AP4B1: variants seen among roughly 807,000 people sequenced by gnomAD.
The protein encoded by AP4B1 is adaptor related protein complex 4 subunit beta 1, also known as AP-4 complex subunit beta-1.
In AP4B1, 49 loss-of-function variants were observed where a neutral mutation model predicts 76.5. That is an observed-to-expected ratio of 0.64 (90% confidence interval 0.51 to 0.81). The LOEUF (loss-of-function observed/expected upper bound fraction) is 0.81, where lower values mean the gene tolerates loss of function less well. AP4B1 is among the 40% of genes least tolerant of loss of function. AP4B1 has a pLI of 0.00. For missense variants in AP4B1, 911 were observed against 904.9 expected (o/e 1.01, Z -0.09); for synonymous variants, 330 against 333.3 (o/e 0.99, Z 0.11).
At chr1:113,903,982 T>C (rs1668637484) in intron 1 of AP4B1, among the ~76,000 whole-genome samples, 1 of 152,190 alleles carries the variant, frequency 6.6e-6, no homozygotes, top group Non-Finnish European at 1.5e-5. Flanking sequence ...GAGTTATGTG[T>C]TCAGGTATGT....
chr1:113,895,826 T>C lies in AP4B1; in HGVS notation c.1723A>G (p.Ile575Val), dbSNP rs114734921. 5.6e-3 allele frequency: 9,077 copies of C among 1,614,224 alleles called. 50 individuals are homozygous for C. Among genetic ancestry groups the C allele is most frequent in the Non-Finnish European group, 6.9e-3 (8,140 of 1,180,032 alleles). ...PVYGKAHWAT[I>V]SKCQGAERCD... is the part of the protein sequence containing the mutation. ...CGCTCTGCCCCCTGGCATTTAGAGA[T>C]AGTTGCCCAGTGGGCTTTGCCATAC... Residue 575 changes from isoleucine (I) to valine (V), a missense_variant, in exon 9 of 10, where the codon ATC becomes GTC. Coordinates refer to ENST00000369569, the MANE Select transcript of AP4B1 (RefSeq NM_001253852.3).
chr1:113,904,530 G>T, intron 1 of AP4B1, 75 bp downstream of exon 1: 1 of 1,394,878 alleles, frequency 7.2e-7, no homozygotes. Flanking sequence ...CACCCTTTCA[G>T]AGAGACTGGG....
intron 6 of AP4B1, among the ~76,000 whole-genome samples, chr1:113,898,516 A>G (rs533648913): frequency 6.6e-6 from 1 of 152,340 alleles, no homozygotes; most frequent in African/African-American, 2.4e-5. Context: ...TCTATAGTAC[A>G]GCCTTATAGA....
intron 5 of AP4B1, chr1:113,899,358 A>T (rs903165992): frequency 3.0e-5 from 30 of 1,010,696 alleles, no homozygotes; most frequent in Non-Finnish European, 3.4e-5. Flanking sequence ...AAAGTCTGTA[A>T]GATTTAGGAA....
In AP4B1 at chr1:113,902,770, T is replaced by A. The variant is rs1195591036; in HGVS notation, c.206A>T (p.Tyr69Phe). Residue 69 changes from tyrosine (Y) to phenylalanine (F), a missense_variant, in exon 2 of 10, where the codon TAT becomes TTT. Tyr to Phe is a conservative substitution (Grantham distance 22). Transcript: ENST00000369569. The part of the protein sequence containing the change: ...TVDIVQKKLV[Y>F]LYMCTYAPLK... The stretch of plus-strand genomic sequence containing the variant: ...GGGAGCATATGTGCACATGTACAGA[T>A]AAACCAACTTCTTCTGGACAATATC... The A allele has an allele frequency of 1.9e-5, 31 of 1,614,094 alleles. No homozygotes were observed. The East Asian group carries it at 6.9e-4, about 36-fold the overall frequency.
upstream of AP4B1, chr1:113,904,837 A>C: frequency 1.1e-6 from 1 of 908,854 alleles, no homozygotes; most frequent in Non-Finnish European, 1.8e-6. Flanking sequence ...AAAAGGCGAG[A>C]TCTCGCCTCA....
chr1:113,900,807 G>C, intron 4 of AP4B1: 1 of 284,756 alleles, frequency 3.5e-6, no homozygotes, highest in Non-Finnish European at 6.7e-6. Context: ...GAATGTGAGG[G>C]AGTTAATAGT....
intron 6 of AP4B1, among the ~76,000 whole-genome samples, chr1:113,898,368 T>G (rs989725776): frequency 2.6e-5 from 4 of 152,178 alleles, no homozygotes; most frequent in Non-Finnish European, 5.9e-5. Flanking sequence ...CCTTCTTAAA[T>G]TTTGCATCCT....
In AP4B1 at chr1:113,898,621, T is replaced by C. The variant is rs1261007120; in HGVS notation, c.1198+97A>G. 6.5e-6 allele frequency: 6 copies of C among 924,884 alleles called. No individual in the cohort carries two copies. In the Admixed American group the frequency reaches 8.5e-5, roughly 13 times the overall value. The allele number at this position is 924,884 out of a possible 1,614,324, so 57.3% of individuals were successfully genotyped here. A position where few individuals can be genotyped will look rare whatever the true frequency, so the allele number is the denominator to read the frequency against. On this transcript the variant is annotated intron_variant, in intron 6 of 9. Coordinates refer to ENST00000369569, the MANE Select transcript of AP4B1 (RefSeq NM_001253852.3). ...GATGATGCAAGGAAAAGTTCAAATC[T>C]CTATATTACTCATTCAACAACAAAC...
At position 113,895,840 on chromosome 1, in the gene AP4B1, G is replaced by A; in HGVS notation, c.1709C>T (p.Ala570Val). The A allele has an allele frequency of 1.2e-6, 2 of 1,614,234 alleles. No individual in the cohort carries two copies. The highest frequency in any genetic ancestry group is 1.7e-6 in the Non-Finnish European group (2 of 1,180,038). The change falls in exon 9 of 10, where the codon GCC becomes GTC. Residue 570 changes from alanine (A) to valine (V), a missense_variant. Ala to Val is a moderately conservative substitution (Grantham distance 64, BLOSUM62 0). Coordinates refer to ENST00000369569, the MANE Select transcript of AP4B1 (RefSeq NM_001253852.3). ...GCATTTAGAGATAGTTGCCCAGTGG[G>A]CTTTGCCATACACTGGCACCAGTGT... ...FNTLVPVYGK[A>V]HWATISKCQG... is the part of the protein sequence containing the mutation.
chr1:113,904,684 C>T lies in AP4B1; in HGVS notation c.34G>A (p.Glu12Lys). Residue 12 changes from glutamate (E) to lysine (K), a missense_variant, in exon 1 of 10, where the codon GAG becomes AAG. Coordinates refer to ENST00000369569, the MANE Select transcript of AP4B1 (RefSeq NM_001253852.3). ...GGATTGCACAGAGCCTTCTTCAGCT[C>T]CTTCACCACGTCCTCGGAGCCAAGG... ...PYLGSEDVVK[E>K]LKKALCNPHI... 1.2e-6 allele frequency: 2 copies of T among 1,612,760 alleles called. No individual in the cohort carries two copies. Among genetic ancestry groups the T allele is most frequent in the Non-Finnish European group, 1.7e-6 (2 of 1,180,030 alleles).
At chr1:113,904,841 C>A, upstream of AP4B1, 1 of 889,838 alleles carries the variant, frequency 1.1e-6, no homozygotes, top group South Asian at 1.3e-5. Context: ...GGCGAGATCT[C>A]GCCTCAGGCT....
Position 113,895,840 on chromosome 1 carries a change from G to T in AP4B1, c.1709C>A (p.Ala570Asp), listed in dbSNP as rs776893153. The change falls in exon 9 of 10, where the codon GCC (alanine) becomes GAC (aspartate). Residue 570 changes from alanine (A) to aspartate (D), a missense_variant. By Grantham distance (126) the Ala-to-Asp change is moderately radical. Coordinates refer to ENST00000369569, the MANE Select transcript of AP4B1 (RefSeq NM_001253852.3). ...GCATTTAGAGATAGTTGCCCAGTGGGCTTTGCCATACACTGGCACCAGTGT... is the reference window on the plus strand; with the variant it reads ...GCATTTAGAGATAGTTGCCCAGTGGTCTTTGCCATACACTGGCACCAGTGT... The part of the protein sequence containing the change: ...FNTLVPVYGK[A>D]HWATISKCQG... 1 of 1,614,234 alleles carries T rather than the reference G, an allele frequency of 6.2e-7. No homozygotes were observed.
intron 6 of AP4B1, 32 bp from the exon 7 acceptor site, chr1:113,897,975 G>A: frequency 6.2e-7 from 1 of 1,614,006 alleles, no homozygotes; most frequent in East Asian, 2.2e-5. Flanking sequence ...AAGAGCACAG[G>A]ATTAGAGCCT....
intron 6 of AP4B1, chr1:113,898,191 T>TA (rs1667729899): frequency 1.3e-5 from 3 of 236,338 alleles, no homozygotes; most frequent in Non-Finnish European, 2.1e-5. Flanking sequence ...TTGTAAAACA[T>TA]AAAGCTGTAT....
chr1:113,897,840 C>T lies in AP4B1; in HGVS notation c.1302G>A (p.Glu434=). ...GAAGTAAAGGAGAATTACAGTCTACCTCACTATCTTGAATGTTCTCTTCAC... is the reference window on the plus strand; with the variant it reads ...GAAGTAAAGGAGAATTACAGTCTACTTCACTATCTTGAATGTTCTCTTCAC... ...PGCEENIQDS[E]GKQALIWLLG... is the part of the protein sequence containing the mutation. Residue 434 remains glutamate (E), a splice_region_variant and synonymous_variant, in exon 7 of 10, where the codon GAG becomes GAA. Coordinates refer to ENST00000369569, the MANE Select transcript of AP4B1 (RefSeq NM_001253852.3). The T allele has an allele frequency of 6.2e-7, 1 of 1,614,026 alleles. No individual in the cohort carries two copies. Among genetic ancestry groups the T allele is most frequent in the Non-Finnish European group, 8.5e-7 (1 of 1,179,910 alleles).
Position 113,901,867 on chromosome 1 carries a change from C to T in AP4B1, c.357G>A (p.Glu119=). 6.2e-7 allele frequency: 1 copy of T among 1,614,142 alleles called. No individual in the cohort carries two copies. Among genetic ancestry groups the T allele is most frequent in the Middle Eastern group, 1.6e-4 (1 of 6,062 alleles). ...CATTGAGAATAGGCTGTTGTATATACTCCTGCACACCAGGCATCCTAAGCA... is the reference window on the plus strand; with the variant it reads ...CATTGAGAATAGGCTGTTGTATATATTCCTGCACACCAGGCATCCTAAGCA... ...MCSLRMPGVQ[E]YIQQPILNGL... Residue 119 remains glutamate (E), a synonymous_variant, in exon 3 of 10, where the codon GAG becomes GAA. Transcript: ENST00000369569.
At position 113,901,706 on chromosome 1, in the gene AP4B1, T is replaced by G. The variant is rs185948622; in HGVS notation, c.469+49A>C. 861 of 1,611,914 alleles carry G rather than the reference T, an allele frequency of 5.3e-4. 7 individuals are homozygous for G. The highest frequency in any genetic ancestry group is 5.0e-4 in the Middle Eastern group (3 of 6,002). On this transcript the variant is annotated intron_variant, in intron 3 of 9. Coordinates refer to ENST00000369569, the MANE Select transcript of AP4B1 (RefSeq NM_001253852.3). ...CAAAGCCACACAATCTTTTTTAAAG[T>G]TATACATAATGGAGGCACATTGACC...
chr1:113,895,059 ACT>A lies in AP4B1; in HGVS notation c.*4_*5del. On this transcript the variant is annotated 3_prime_UTR_variant, in exon 10 of 10. Transcript: ENST00000369569. Reference sequence around the variant, plus strand: ...CATCTTACTCTAGACAAGCAACAAGACTCTGTTATGATTTTATTTCTTCAATT... The same window carrying A: ...CATCTTACTCTAGACAAGCAACAAGACTGTTATGATTTTATTTCTTCAATT... 1 of 1,612,064 alleles carries A rather than the reference ACT, an allele frequency of 6.2e-7. No individual in the cohort carries two copies. The highest frequency in any genetic ancestry group is 1.1e-5 in the South Asian group (1 of 90,828).
Sources: allele counts gnomAD v4.1 joint callset (sites outside exome capture counted in the v4.1 genomes callset), GRCh38; gene constraint gnomAD v4.1.1; transcripts MANE v1.5; gene names NCBI Gene and HGNC (gene_info 2026-07-23, HGNC 2026-07-21).